GHDC: variants seen among roughly 807,000 people sequenced by gnomAD.
The protein encoded by GHDC is GH3 domain-containing protein.
A neutral mutation model predicts 51.5 loss-of-function variants in GHDC; 39 were observed. That is an observed-to-expected ratio of 0.76 (90% CI 0.59 to 0.99). The LOEUF (loss-of-function observed/expected upper bound fraction) is 0.99, where lower values mean the gene tolerates loss of function less well. GHDC is among the 50% of genes least tolerant of loss of function. The probability of loss-of-function intolerance (pLI) is 0.00; values close to 1 mark genes in which losing one functional copy is unlikely to be tolerated. For synonymous variants in GHDC, 282 were observed against 305.2 expected (o/e 0.92, Z 0.79); for missense variants, 610 against 672.8 (o/e 0.91, Z 1.03).
At position 42,190,837 on chromosome 17, in the gene GHDC, G is replaced by C. The variant is rs761187383; in HGVS notation, c.1149C>G (p.Ile383Met). Residue 383 changes from isoleucine to methionine, a missense_variant, in exon 7 of 10, where the codon ATC (isoleucine) becomes ATG (methionine). Physicochemically the swap from Ile to Met is conservative, Grantham distance 10. Around this residue, in one of 2 missense-constraint regions of GHDC, gnomAD observed 412 missense variants for 410.4 expected, o/e 1.00. Transcript: ENST00000587427. ...AGCTCCCCGGGGTCACCTACCTGCA[G>C]ATGAACCTGACGACTGGACACTGAT... ...AYNQCPVVRF[I>M]CRLDQTLSVR... The C allele has an allele frequency of 3.1e-6, 5 of 1,613,544 alleles. No homozygotes were observed. The South Asian group carries it at 5.5e-5, about 18-fold the overall frequency.
At position 42,190,673 on chromosome 17, in the gene GHDC, C is replaced by T. The variant is rs2079961078; in HGVS notation, c.1239G>A (p.Trp413Ter). 1.2e-6 allele frequency: 2 copies of T among 1,613,748 alleles called. No homozygotes were observed. Among genetic ancestry groups the T allele is most frequent in the East Asian group, 4.5e-5 (2 of 44,880 alleles). ...CATGGTCCAGCAGCTTGGCCCCCGCCCACTGCCCCACTGCCCGGCCCAGGG... is the reference window on the plus strand; with the variant it reads ...CATGGTCCAGCAGCTTGGCCCCCGCTCACTGCCCCACTGCCCGGCCCAGGG... ...SEALGRAVGQ[W>*]AGAKLLDHGC... Residue 413 changes from tryptophan (W) to a stop codon, truncating the protein, a stop_gained, in exon 8 of 10, where the codon TGG becomes TGA. Coordinates refer to ENST00000587427, the MANE Select transcript of GHDC (RefSeq NM_032484.5). LOFTEE classifies it high-confidence loss of function.
chr17:42,189,783 A>G lies in GHDC; in HGVS notation c.1513T>C (p.Ser505Pro). Residue 505 changes from serine (S) to proline (P), a missense_variant, in exon 10 of 10, where the codon TCC becomes CCC. Transcript: ENST00000587427. ...LRAALAACPS[S>P]PFPPAMPRVL... ...CGGGGCATCGCAGGGGGGAAGGGGG[A>G]GGAGGGGCAGGCAGCGAGGGCTGCC... is the stretch of plus-strand genomic sequence containing the variant. 1 of 1,540,582 alleles carries G rather than the reference A, an allele frequency of 6.5e-7. No individual in the cohort carries two copies.
chr17:42,191,077 G>C lies in GHDC; in HGVS notation c.1023C>G (p.Ala341=). ...QEEAASTLLL[A]EAQQGKEYEL... is the part of the protein sequence containing the mutation. ...CATACTCCTTGCCCTGCTGGGCCTC[G>C]GCCAAAAGGAGGGTGGAGGCAGCTT... Residue 341 remains alanine, a synonymous_variant, in exon 6 of 10, where the codon GCC becomes GCG. Transcript: ENST00000587427. 24 of 1,580,926 alleles carry C rather than the reference G, an allele frequency of 1.5e-5. No homozygotes were observed. Among genetic ancestry groups the C allele is most frequent in the Non-Finnish European group, 2.1e-5 (24 of 1,165,530 alleles).
chr17:42,192,491 C>G lies in GHDC; in HGVS notation c.639G>C (p.Leu213=). Residue 213 remains leucine (L), a synonymous_variant, in exon 5 of 10, where the codon CTG becomes CTC. Coordinates refer to ENST00000587427, the MANE Select transcript of GHDC (RefSeq NM_032484.5). ...CAGCTAGCTCTTCACCATCAGTCTC[C>G]AGGCCCAAGAAAACATCCAGAAGTT... ...AVELLDVFLG[L]ETDGEELAGA... 6 of 1,613,764 alleles carry G rather than the reference C, an allele frequency of 3.7e-6. No individual in the cohort carries two copies. The highest frequency in any genetic ancestry group is 5.1e-6 in the Non-Finnish European group (6 of 1,180,026).
Position 42,192,926 on chromosome 17 carries a change from G to A in GHDC, c.367C>T (p.Leu123Phe). 1.2e-6 allele frequency: 2 copies of A among 1,614,142 alleles called. No homozygotes were observed. The highest frequency in any genetic ancestry group is 2.2e-5 in the East Asian group (1 of 44,880). Residue 123 changes from leucine to phenylalanine, a missense_variant, in exon 4 of 10, where the codon CTT becomes TTT. Transcript: ENST00000587427. ...ATTACCTGCAGAGAGGCCTCCCCAA[G>A]GTCCTGGTTTGAGGTCGGGGGCAGT... ...QPLPPTSNQD[L>F]GEASLQATLL...
chr17:42,190,406 A>G, intron 8 of GHDC, 136 bp from the exon 9 acceptor site: 1 of 1,541,788 alleles, frequency 6.5e-7, no homozygotes, highest in African/African-American at 1.4e-5. Context: ...GAGTGGGGTA[A>G]ATGGAGAGGA....
Position 42,192,385 on chromosome 17 carries a change from G to C in GHDC, c.745C>G (p.Arg249Gly). Residue 249 changes from arginine (R) to glycine (G), a missense_variant, in exon 5 of 10, where the codon CGG becomes GGG. Physicochemically the swap from Arg to Gly is moderately radical, Grantham distance 125. Transcript: ENST00000587427. ...ELREALEQGPRGLALRLWPKL... is the reference protein window; with the variant it reads ...ELREALEQGPGGLALRLWPKL... ...GGCCAGAGCCGAAGGGCCAGTCCCC[G>C]TGGCCCCTGCTCTAGGGCCTCCCGG... 6.2e-7 allele frequency: 1 copy of C among 1,612,790 alleles called. No homozygotes were observed. Among genetic ancestry groups the C allele is most frequent in the Non-Finnish European group, 8.5e-7 (1 of 1,179,902 alleles).
At chr17:42,190,330 T>A (rs2079958164) in intron 8 of GHDC, 60 bp from the exon 9 acceptor site, 2 of 1,613,922 alleles carry the variant, frequency 1.2e-6, no homozygotes, top group Non-Finnish European at 1.7e-6. Flanking sequence ...CCAAGTCTAG[T>A]GTCCTCTGCC....
intron 3 of GHDC, 55 bp downstream of exon 3, chr17:42,193,262 G>A: frequency 6.5e-7 from 1 of 1,529,956 alleles, no homozygotes; most frequent in Non-Finnish European, 8.8e-7. Context: ...GAATCTGACG[G>A]TCCTGTGGGG....
Position 42,190,210 on chromosome 17 carries a change from T to G in GHDC, c.1349A>C (p.Asn450Thr). The G allele has an allele frequency of 6.2e-7, 1 of 1,614,034 alleles. No individual in the cohort carries two copies. Among genetic ancestry groups the G allele is most frequent in the South Asian group, 1.1e-5 (1 of 91,086 alleles). Residue 450 changes from asparagine (N) to threonine (T), a missense_variant, in exon 9 of 10, where the codon AAT becomes ACT. By Grantham distance (65) the Asn-to-Thr change is moderately conservative (BLOSUM62 0). Around this residue, in one of 2 missense-constraint regions of GHDC, gnomAD observed 412 missense variants for 410.4 expected, o/e 1.00. Coordinates refer to ENST00000587427, the MANE Select transcript of GHDC (RefSeq NM_032484.5). ...EVFVALRGLR[N>T]LSEENRDKLD... Reference sequence around the variant, plus strand: ...CTTGTCTCGATTTTCCTCTGACAGATTCCTCAGCCCCCTCAGCGCCACAAA... The same window carrying G: ...CTTGTCTCGATTTTCCTCTGACAGAGTCCTCAGCCCCCTCAGCGCCACAAA...
intron 2 of GHDC, 41 bp downstream of exon 2, chr17:42,193,726 A>G: frequency 8.9e-7 from 1 of 1,126,398 alleles, no homozygotes; most frequent in Non-Finnish European, 1.2e-6. Context: ...GGGGCAGGTG[A>G]TGCAAAGGAG....
intron 8 of GHDC, 75 bp from the exon 9 acceptor site, chr17:42,190,345 C>G (rs2079958325): frequency 6.2e-7 from 1 of 1,612,722 alleles, no homozygotes. Flanking sequence ...TCTGCCCTAT[C>G]TGTTCTTCCC....
chr17:42,193,204 A>G (rs1422888500), intron 3 of GHDC, 113 bp downstream of exon 3: 1 of 1,516,148 alleles, frequency 6.6e-7, no homozygotes, highest in Non-Finnish European at 8.9e-7. Context: ...TCTCTGGGTC[A>G]GGCCACTCCG....
rs749928515 is a variant in GHDC at position 42,192,461 on chromosome 17, C to T, written c.669G>A (p.Ala223=). The T allele has an allele frequency of 7.4e-6, 12 of 1,613,582 alleles. No individual in the cohort carries two copies. The highest frequency in any genetic ancestry group is 4.5e-5 in the East Asian group (2 of 44,898). Residue 223 remains alanine (A), a synonymous_variant, in exon 5 of 10, where the codon GCG becomes GCA. Transcript: ENST00000587427. ...LETDGEELAG[A]IAAGNPGAPL... Reference sequence around the variant, plus strand: ...GCGCTCCAGGGTTCCCGGCAGCTATCGCCCCAGCTAGCTCTTCACCATCAG... The same window carrying T: ...GCGCTCCAGGGTTCCCGGCAGCTATTGCCCCAGCTAGCTCTTCACCATCAG...
In GHDC at chr17:42,190,252, G is replaced by A; in HGVS notation, c.1307C>T (p.Ala436Val). The change falls in exon 9 of 10, where the codon GCT becomes GTT. Residue 436 changes from alanine to valine, a missense_variant. This residue lies in a region of GHDC where 412 missense variants were observed against 410.4 expected (regional missense o/e 1.00). Transcript: ENST00000587427. ...SSILDSSAGS[A>V]PHYEVFVALR... ...CGCCACAAACACCTCGTAGTGGGGAGCAGAGCCCGCAGAGGAATCTGTGAA... is the reference window on the plus strand; with the variant it reads ...CGCCACAAACACCTCGTAGTGGGGAACAGAGCCCGCAGAGGAATCTGTGAA... 6.2e-7 allele frequency: 1 copy of A among 1,614,194 alleles called. No homozygotes were observed.
At position 42,189,793 on chromosome 17, in the gene GHDC, G is replaced by GGCAGC. The variant is rs1214867840; in HGVS notation, c.1498_1502dup (p.Cys502LeufsTer64). The GGCAGC allele has an allele frequency of 6.5e-7, 1 of 1,546,422 alleles. No homozygotes were observed. Among genetic ancestry groups the GGCAGC allele is most frequent in the South Asian group, 1.2e-5 (1 of 82,934 alleles). The stretch of plus-strand genomic sequence containing the variant: ...CAGGGGGGAAGGGGGAGGAGGGGCA[G>GGCAGC]GCAGCGAGGGCTGCCCGGAGTGCTC... On this transcript the variant is annotated frameshift_variant, in exon 10 of 10. Coordinates refer to ENST00000587427, the MANE Select transcript of GHDC (RefSeq NM_032484.5). LOFTEE classifies it high-confidence loss of function.
rs1208725407 is a variant in GHDC, at chr17:42,193,670, AG to A, written c.-13-77del. ...TCTCCTCCCACGCTCTACTGCATACAGGAAAACCGAGGAAAAATGAAATTGG... is the reference window on the plus strand; with the variant it reads ...TCTCCTCCCACGCTCTACTGCATACAGAAAACCGAGGAAAAATGAAATTGG... On this transcript the variant is annotated intron_variant, in intron 2 of 9. Transcript: ENST00000587427. 33 of 1,426,290 alleles carry A rather than the reference AG, an allele frequency of 2.3e-5. No homozygotes were observed. In the East Asian group the frequency reaches 7.8e-4, roughly 34 times the overall value. The allele number at this position is 1,426,290 out of a possible 1,614,324, so 88.4% of individuals were successfully genotyped here. A position where few individuals can be genotyped will look rare whatever the true frequency, so the allele number is the denominator to read the frequency against.
intron 8 of GHDC, 120 bp downstream of exon 8, chr17:42,190,501 GAGA>G: frequency 4.2e-6 from 6 of 1,418,346 alleles, no homozygotes; most frequent in Non-Finnish European, 5.6e-6. Flanking sequence ...GTTAGATGCA[GAGA>G]AGGACTTTTG....
chr17:42,193,329 T>C lies in GHDC; in HGVS notation c.253A>G (p.Arg85Gly). 1 of 1,603,124 alleles carries C rather than the reference T, an allele frequency of 6.2e-7. No homozygotes were observed. The highest frequency in any genetic ancestry group is 8.5e-7 in the Non-Finnish European group (1 of 1,175,116). ...CTGGGAAACACACCTGTGCTCCTTC[T>C]GAGGGAACAGTGGGGGCGCTGGGCT... The part of the protein sequence containing the change: ...QGAQRPHCSL[R>G]RSTDISTFRN... The change falls in exon 3 of 10, where the codon AGA becomes GGA. Residue 85 changes from arginine to glycine, a missense_variant. Arg to Gly is a moderately radical substitution (Grantham distance 125). Coordinates refer to ENST00000587427, the MANE Select transcript of GHDC (RefSeq NM_032484.5).
Sources: allele counts gnomAD v4.1 joint callset, GRCh38; gene constraint gnomAD v4.1.1; regional missense constraint gnomAD v4.1.1; transcripts MANE v1.5; gene names NCBI Gene and HGNC (gene_info 2026-07-23, HGNC 2026-07-21).